The following HM13 variants were observed in gnomAD, a reference collection of about 807,000 sequenced individuals.
HM13 encodes histocompatibility minor 13.
Under a neutral mutation model 50.0 loss-of-function variants are expected in HM13, and 18 were observed. The ratio of observed to expected loss-of-function variants is 0.36; its 90% confidence interval spans 0.25 to 0.53. The LOEUF (loss-of-function observed/expected upper bound fraction) is 0.53, where lower values mean the gene tolerates loss of function less well. HM13 is among the 20% of genes least tolerant of loss of function. HM13 has a pLI of 0.90. For missense variants in HM13, 393 were observed against 552.4 expected (o/e 0.71, Z 2.89); for synonymous variants, 197 against 232.6 (o/e 0.85, Z 1.39).
chr20:31,515,563 A>C (rs1600602741), intron 1 of HM13, among the ~76,000 whole-genome samples: 1 of 148,158 alleles, frequency 6.7e-6, no homozygotes, highest in South Asian at 2.2e-4. Flanking sequence ...TTCTCCCCAT[A>C]CCCCCAAGAC....
chr20:31,531,546 G>T (rs1314819913), intron 2 of HM13, among the ~76,000 whole-genome samples: 1 of 152,042 alleles, frequency 6.6e-6, no homozygotes, highest in Non-Finnish European at 1.5e-5. Flanking sequence ...ATAGACGTAT[G>T]TCATTACATC....
At chr20:31,561,427 A>G (rs1438768497) in intron 9 of HM13, among the ~76,000 whole-genome samples, 2 of 152,164 alleles carry the variant, frequency 1.3e-5, no homozygotes, top group African/African-American at 4.8e-5. Context: ...AGATGAGTAA[A>G]CTGAGGCTAA....
At chr20:31,518,656 A>C (rs1182406818) in intron 1 of HM13, among the ~76,000 whole-genome samples, 1 of 151,854 alleles carries the variant, frequency 6.6e-6, no homozygotes, top group Non-Finnish European at 1.5e-5. Flanking sequence ...AAAAATAATA[A>C]TAATAATAAT....
intron 2 of HM13, among the ~76,000 whole-genome samples, chr20:31,534,441 G>A (rs937316565): frequency 6.6e-6 from 1 of 152,144 alleles, no homozygotes; most frequent in African/African-American, 2.4e-5. Flanking sequence ...TACAAGCAAA[G>A]GGCATGAGGG....
At chr20:31,527,888 C>A in intron 2 of HM13, 6 of 227,350 alleles carry the variant, frequency 2.6e-5, no homozygotes, top group Admixed American at 5.8e-5. Flanking sequence ...CTCTACCATA[C>A]TAATGGCCTT....
intron 2 of HM13, among the ~76,000 whole-genome samples, chr20:31,532,096 A>ATTTTTTTTTT (rs374817984): frequency 6.7e-6 from 1 of 148,346 alleles, no homozygotes. Context: ...CTATTCACAG[A>ATTTTTTTTTT]TTTTTTTTTT....
intron 1 of HM13, among the ~76,000 whole-genome samples, chr20:31,523,234 A>G (rs900533872): frequency 6.6e-6 from 1 of 151,044 alleles, no homozygotes; most frequent in Non-Finnish European, 1.5e-5. Context: ...TATTTTTAGT[A>G]GAGACGGGGT....
chr20:31,568,082 G>C lies in HM13; in HGVS notation c.1039G>C (p.Glu347Gln), dbSNP rs377145183. Residue 347 changes from glutamate (E) to glutamine (Q), a missense_variant, in exon 12 of 13, where the codon GAG becomes CAG. Glu to Gln is a conservative substitution (Grantham distance 29). Around this residue, in one of 3 missense-constraint regions of HM13, gnomAD observed 105 missense variants for 115.9 expected, o/e 0.91. Coordinates refer to ENST00000398174, the MANE Select transcript of HM13 (RefSeq NM_178581.3). ...TCTTCTCTCTCTCTCACACAGCTACGAGTCCTCGGCGGAAATCCTGCCTCA... is the reference window on the plus strand; with the variant it reads ...TCTTCTCTCTCTCTCACACAGCTACCAGTCCTCGGCGGAAATCCTGCCTCA... ...KGEVTEMFSY[E>Q]SSAEILPHTP... 4.4e-6 allele frequency: 7 copies of C among 1,607,152 alleles called. No individual in the cohort carries two copies. In the African/African-American group the frequency reaches 9.4e-5, roughly 22 times the overall value.
intron 8 of HM13, among the ~76,000 whole-genome samples, chr20:31,557,018 CAAAA>C (rs11479053): frequency 2.0e-5 from 2 of 100,458 alleles, no homozygotes. Flanking sequence ...GACTCCATCT[CAAAA>C]AAAAAAAAAA....
At position 31,546,713 on chromosome 20, in the gene HM13, C is replaced by G. The variant is rs544279704; in HGVS notation, c.454+1678C>G. Among the ~76,000 whole-genome samples the G allele has an allele frequency of 5.2e-4, 79 of 151,374 alleles. No individual in the cohort carries two copies. In the East Asian group the frequency reaches 0.011, roughly 21 times the overall value. On this transcript the variant is annotated intron_variant, in intron 4 of 12. Coordinates refer to ENST00000398174, the MANE Select transcript of HM13 (RefSeq NM_178581.3). The stretch of plus-strand genomic sequence containing the variant: ...GAGGTTGCAGTGAGCCGAAATCGCG[C>G]CACTGCACTCCAGCCAGGGCGACAG...
At chr20:31,536,072 G>A (rs989107429) in intron 2 of HM13, among the ~76,000 whole-genome samples, 22 of 152,018 alleles carry the variant, frequency 1.4e-4, no homozygotes, top group African/African-American at 4.3e-4. Flanking sequence ...ATTCCAGAAC[G>A]GATCTGGAGG....
intron 4 of HM13, among the ~76,000 whole-genome samples, chr20:31,546,746 C>A (rs549306078): frequency 2.3e-4 from 31 of 137,772 alleles, no homozygotes; most frequent in African/African-American, 1.0e-3. Flanking sequence ...CAGAGTGAGA[C>A]CCTGTCTCAA....
intron 7 of HM13, among the ~76,000 whole-genome samples, chr20:31,551,562 G>C (rs1286086290): frequency 6.6e-6 from 1 of 152,236 alleles, no homozygotes; most frequent in Non-Finnish European, 1.5e-5. Flanking sequence ...GATTGGCTTA[G>C]AGTTTAAGCT....
At chr20:31,516,822 A>G (rs896526167) in intron 1 of HM13, among the ~76,000 whole-genome samples, 1 of 152,202 alleles carries the variant, frequency 6.6e-6, no homozygotes, top group Non-Finnish European at 1.5e-5. Flanking sequence ...GCCACCACCA[A>G]TGACCCAGAT....
chr20:31,546,667 T>C (rs1370801429), intron 4 of HM13, among the ~76,000 whole-genome samples: 2 of 150,702 alleles, frequency 1.3e-5, no homozygotes, highest in Non-Finnish European at 3.0e-5. Flanking sequence ...GGCAGGAGAA[T>C]CGCTTTAACC....
chr20:31,555,701 G>A (rs909526930), intron 8 of HM13, among the ~76,000 whole-genome samples: 1 of 152,000 alleles, frequency 6.6e-6, no homozygotes, highest in African/African-American at 2.4e-5. Flanking sequence ...GGGCACAGTG[G>A]CTCACACCTG....
At chr20:31,537,510 A>C (rs1024725130) in intron 2 of HM13, among the ~76,000 whole-genome samples, 1 of 152,364 alleles carries the variant, frequency 6.6e-6, no homozygotes, top group East Asian at 1.9e-4. Flanking sequence ...GATAGTAACA[A>C]ATTCATCAGG....
chr20:31,541,655 T>A (rs1568789057), intron 3 of HM13: 1 of 152,154 alleles, frequency 6.6e-6, no homozygotes, highest in Non-Finnish European at 1.5e-5. Context: ...CCAGTGAAAA[T>A]AATTTTAGTA....
intron 8 of HM13, among the ~76,000 whole-genome samples, chr20:31,557,413 G>A (rs1984367682): frequency 6.6e-6 from 1 of 152,194 alleles, no homozygotes; most frequent in Admixed American, 6.5e-5. Context: ...ATCCCCAGTA[G>A]TCCCGCAATC....
Sources: gnomAD v4.1 joint callset for allele counts (sites outside exome capture counted in the v4.1 genomes callset) on GRCh38, gnomAD v4.1.1 for gene constraint, gnomAD v4.1.1 regional missense constraint, MANE v1.5 for transcripts, NCBI Gene and HGNC (gene_info 2026-07-23, HGNC 2026-07-21) for gene names.